The following RAF1 variants were observed in gnomAD, a reference collection of about 807,000 sequenced individuals.
RAF1 encodes the protein RAF proto-oncogene serine/threonine-protein kinase.
A neutral mutation model predicts 81.1 loss-of-function variants in RAF1; 27 were observed. That is an observed-to-expected ratio of 0.33 (90% CI 0.25 to 0.46). RAF1 has a LOEUF of 0.46. Among genes scored for constraint, RAF1 ranks in the 20% least tolerant of loss-of-function variants. The probability of loss-of-function intolerance (pLI) is 1.00; values close to 1 mark genes in which losing one functional copy is unlikely to be tolerated. For missense variants in RAF1, 598 were observed against 826.0 expected, an observed-to-expected ratio of 0.72 and a Z score of 3.38; for synonymous variants, 298 against 294.0, an observed-to-expected ratio of 1.01 and a Z score of -0.14.
At position 12,631,696 on chromosome 3, in the gene RAF1, T is replaced by C. The variant is rs546509494; in HGVS notation, c.-26-12949A>G. Among the ~76,000 whole-genome samples the C allele has an allele frequency of 2.8e-4, 42 of 152,290 alleles. No homozygotes were observed. In the South Asian group the frequency reaches 8.5e-3, roughly 31 times the overall value. ...GTAAACGATACTGTTATAGCTTCTA[T>C]CCCACAGAAGAACACCCACCACAGG... On this transcript the variant is annotated intron_variant, in intron 1 of 17. Transcript: ENST00000442415.
At chr3:12,641,472 A>C (rs955131709) in intron 1 of RAF1, among the ~76,000 whole-genome samples, 22 of 145,744 alleles carry the variant, frequency 1.5e-4, no homozygotes, top group Admixed American at 1.2e-3. Context: ...TGTCCCCCCC[A>C]AAAAAAAATG....
At chr3:12,592,087 A>G (rs2058533974) in intron 11 of RAF1, 1 of 437,106 alleles carries the variant, frequency 2.3e-6, no homozygotes. Flanking sequence ...AATGACTCAA[A>G]AAAGTTACAT....
chr3:12,662,338 TAAAAAAAAAAAAAAAAAA>T (rs61275660), intron 1 of RAF1, among the ~76,000 whole-genome samples: 51,892 of 102,612 alleles, frequency 0.51, 12,255 homozygotes, highest in East Asian at 0.84. Context: ...CCTGTTCCTT[TAAAAAAAAAAAAAAAAAA>T]AAAAAAAAAA....
At chr3:12,628,173 C>G (rs960493853) in intron 1 of RAF1, among the ~76,000 whole-genome samples, 2 of 152,218 alleles carry the variant, frequency 1.3e-5, no homozygotes, top group African/African-American at 4.8e-5. Context: ...AATGGGCTTA[C>G]AGCCTGGCCA....
intron 3 of RAF1, among the ~76,000 whole-genome samples, chr3:12,609,917 A>G (rs940744112): frequency 9.2e-5 from 14 of 152,390 alleles, no homozygotes; most frequent in African/African-American, 3.1e-4. Context: ...TTGCTGCAGT[A>G]CAAAATTTAG....
intron 13 of RAF1, chr3:12,589,848 T>C (rs1418320220): frequency 2.0e-5 from 3 of 147,712 alleles, no homozygotes; most frequent in Non-Finnish European, 4.5e-5. Context: ...TAGAGTGCAA[T>C]GGCACAATCT....
At position 12,629,606 on chromosome 3, in the gene RAF1, T is replaced by C. The variant is rs908339663; in HGVS notation, c.-26-10859A>G. The stretch of plus-strand genomic sequence containing the variant: ...GTCCAAGGTTACATGGTATTCAGAA[T>C]ATTCACAAATCTCACCAGGGTTTCA... On this transcript the variant is annotated intron_variant, in intron 1 of 17. Coordinates refer to ENST00000442415, the MANE Select transcript of RAF1 (RefSeq NM_001354689.3). 2.0e-5 allele frequency among the ~76,000 whole-genome samples: 3 copies of C among 152,152 alleles called. No homozygotes were observed. In the East Asian group the frequency reaches 5.8e-4, roughly 29 times the overall value.
At position 12,653,333 on chromosome 3, in the gene RAF1, C is replaced by T. The variant is rs536540293; in HGVS notation, c.-27+10480G>A. Among the ~76,000 whole-genome samples, 400 of 152,138 alleles carry T rather than the reference C, an allele frequency of 2.6e-3. 1 individual carries two copies. Among genetic ancestry groups the T allele is most frequent in the African/African-American group, 9.0e-3 (373 of 41,518 alleles). ...CTATATTACTACAGTAATTTCATAG[C>T]CACCTCTTCTTTCTATTGCAGTGAA... On this transcript the variant is annotated intron_variant, in intron 1 of 17. Coordinates refer to ENST00000442415, the MANE Select transcript of RAF1 (RefSeq NM_001354689.3).
At chr3:12,612,108 C>G (rs976358005) in intron 2 of RAF1, 46 bp from the exon 3 acceptor site, 1 of 1,486,404 alleles carries the variant, frequency 6.7e-7, no homozygotes, top group Admixed American at 1.7e-5. Flanking sequence ...GCTGCAGCAC[C>G]CCTTGGAAAG....
At chr3:12,599,836 C>T (rs758393964) in intron 10 of RAF1, 28 bp from the exon 10 acceptor site, 12 of 1,510,058 alleles carry the variant, frequency 7.9e-6, no homozygotes, top group Non-Finnish European at 1.0e-5. Context: ...CATTATTATA[C>T]TCCATGCAAT....
At chr3:12,613,861 C>CACATTGAGAGTACACATCTTCTATACTGT (rs2059292911) in intron 2 of RAF1, among the ~76,000 whole-genome samples, 1 of 152,148 alleles carries the variant, frequency 6.6e-6, no homozygotes, top group South Asian at 2.1e-4. Flanking sequence ...AGATGGACTC[C>CACATTGAGAGTACACATCTTCTATACTGT]ACATTGAGAG....
At chr3:12,586,267 T>TA in intron 14 of RAF1, among the ~76,000 whole-genome samples, 1 of 152,188 alleles carries the variant, frequency 6.6e-6, no homozygotes, top group South Asian at 2.1e-4. Context: ...AAATAGCAAA[T>TA]CCCTTACTGA....
At chr3:12,651,537 G>A (rs2060525387) in intron 1 of RAF1, among the ~76,000 whole-genome samples, 1 of 152,022 alleles carries the variant, frequency 6.6e-6, no homozygotes, top group African/African-American at 2.4e-5. Flanking sequence ...GGGAGGCTGA[G>A]GCACGAGAAT....
intron 1 of RAF1, among the ~76,000 whole-genome samples, chr3:12,634,193 G>A (rs1395872408): frequency 3.5e-5 from 5 of 144,434 alleles, no homozygotes; most frequent in African/African-American, 1.0e-4. Flanking sequence ...TATCACCCAT[G>A]CTGGAGTGCA....
chr3:12,649,917 C>A (rs971155637), intron 1 of RAF1, among the ~76,000 whole-genome samples: 1 of 151,940 alleles, frequency 6.6e-6, no homozygotes, highest in Admixed American at 6.6e-5. Context: ...GAGGCCGAGG[C>A]AGGCAGATCA....
chr3:12,605,924 T>A (rs2059013536), intron 6 of RAF1, among the ~76,000 whole-genome samples: 1 of 152,190 alleles, frequency 6.6e-6, no homozygotes, highest in Non-Finnish European at 1.5e-5. Context: ...GAAAGCAGAA[T>A]CTCAAGCTCT....
chr3:12,656,928 C>T (rs151164037), intron 1 of RAF1, among the ~76,000 whole-genome samples: 124 of 148,864 alleles, frequency 8.3e-4, no homozygotes, highest in African/African-American at 2.8e-3. Flanking sequence ...ACCCGGGAGA[C>T]AGAGGTTGCA....
chr3:12,592,130 G>A (rs773119591), intron 11 of RAF1: 21 of 370,366 alleles, frequency 5.7e-5, no homozygotes, highest in South Asian at 2.2e-4. Flanking sequence ...TTAGGCCTTC[G>A]ATAGCCTTGG....
At chr3:12,642,716 AC>A (rs1559478255) in intron 1 of RAF1, among the ~76,000 whole-genome samples, 5 of 148,774 alleles carry the variant, frequency 3.4e-5, no homozygotes, top group African/African-American at 5.0e-5. Context: ...ACACACACAC[AC>A]ACAAAATAGC....
Sources: gnomAD v4.1 joint callset for allele counts (sites outside exome capture counted in the v4.1 genomes callset) on GRCh38, gnomAD v4.1.1 for gene constraint, MANE v1.5 for transcripts, NCBI Gene and HGNC (gene_info 2026-07-23, HGNC 2026-07-21) for gene names.